MARK3: variants seen among roughly 807,000 people sequenced by gnomAD.
MARK3 encodes the protein microtubule affinity regulating kinase 3, also known as MAP/microtubule affinity-regulating kinase 3.
In MARK3, 46 loss-of-function variants were observed where a neutral mutation model predicts 90.1. The ratio of observed to expected loss-of-function variants is 0.51; its 90% CI spans 0.40 to 0.65. MARK3 has a LOEUF of 0.65. MARK3 is among the 30% of genes least tolerant of loss of function. The probability of loss-of-function intolerance (pLI) is 0.00; values close to 1 mark genes in which losing one functional copy is unlikely to be tolerated. For synonymous variants in MARK3, 321 were observed against 332.6 expected, an observed-to-expected ratio of 0.97 and a Z score of 0.38; for missense variants, 818 against 947.2, an observed-to-expected ratio of 0.86 and a Z score of 1.79.
At chr14:103,443,336 T>C (rs970575721) in intron 3 of MARK3, among the ~76,000 whole-genome samples, 2 of 152,184 alleles carry the variant, frequency 1.3e-5, no homozygotes, top group African/African-American at 4.8e-5. Flanking sequence ...TCCAAATTCT[T>C]TTCTCAAATT....
chr14:103,465,772 C>T lies in MARK3; in HGVS notation c.756C>T (p.Pro252=). 6.2e-7 allele frequency: 1 copy of T among 1,613,828 alleles called. No individual in the cohort carries two copies. Among genetic ancestry groups the T allele is most frequent in the Non-Finnish European group, 8.5e-7 (1 of 1,179,818 alleles). The stretch of plus-strand genomic sequence containing the variant: ...ACACACTAGTCAGTGGCTCACTTCC[C>T]TTTGATGGGCAAAACCTAAAGGTAT... The part of the protein sequence containing the change: ...ILYTLVSGSL[P]FDGQNLKELR... Residue 252 remains proline, a synonymous_variant, in exon 8 of 18, where the codon CCC becomes CCT. Transcript: ENST00000429436.
At chr14:103,429,293 C>G (rs1416430977) in intron 3 of MARK3, 2 of 152,194 alleles carry the variant, frequency 1.3e-5, no homozygotes, top group Non-Finnish European at 2.9e-5. Context: ...AATATCTGAC[C>G]TTGAGCAAGG....
chr14:103,392,571 G>T (rs931842215), intron 1 of MARK3, among the ~76,000 whole-genome samples: 2 of 152,078 alleles, frequency 1.3e-5, no homozygotes, highest in African/African-American at 4.8e-5. Flanking sequence ...TGCAGTGAAG[G>T]CTTGCTAACT....
rs1392985347 is a variant in MARK3 at position 103,479,655 on chromosome 14, T to C, written c.1483-732T>C. Among the ~76,000 whole-genome samples, 5 of 95,520 alleles carry C rather than the reference T, an allele frequency of 5.2e-5. No homozygotes were observed. In the East Asian group the frequency reaches 1.3e-3, roughly 24 times the overall value. The allele number at this position is 95,520 out of a possible 152,430, so 62.7% of individuals were successfully genotyped here. On this transcript the variant is annotated intron_variant, in intron 13 of 17. Transcript: ENST00000429436. Reference sequence around the variant, plus strand: ...TTTTTTTTTTTTTTTTTTTTGAGACTGAGTTTTGCTCTTGTTACACAGGCT... The same window carrying C: ...TTTTTTTTTTTTTTTTTTTTGAGACCGAGTTTTGCTCTTGTTACACAGGCT...
Position 103,466,080 on chromosome 14 carries a change from G to C in MARK3, c.886G>C (p.Gly296Arg), listed in dbSNP as rs200117383. Residue 296 changes from glycine (G) to arginine (R), a missense_variant, in exon 9 of 18, where the codon GGC becomes CGC. Gly to Arg is a moderately radical substitution (Grantham distance 125, BLOSUM62 -2). Around this residue, in one of 3 missense-constraint regions of MARK3, gnomAD observed 560 missense variants for 613.5 expected, o/e 0.91. Coordinates refer to ENST00000429436, the MANE Select transcript of MARK3 (RefSeq NM_001128918.3). ...CCTGGTGCTAAATCCAATTAAACGC[G>C]GCACTCTAGAGGTAATCATGTAGGT... ...RFLVLNPIKR[G>R]TLEQIMKDRW... The C allele has an allele frequency of 1.6e-4, 266 of 1,613,688 alleles. No homozygotes were observed. Among genetic ancestry groups the C allele is most frequent in the Admixed American group, 8.3e-5 (5 of 59,944 alleles).
rs886672746 is a variant in MARK3 at position 103,466,866 on chromosome 14, C to T, written c.998-213C>T. Among the ~76,000 whole-genome samples, 6 of 151,784 alleles carry T rather than the reference C, an allele frequency of 4.0e-5. 1 individual carries two copies. Among genetic ancestry groups the T allele is most frequent in the South Asian group, 4.2e-4 (2 of 4,784 alleles). On this transcript the variant is annotated intron_variant, in intron 10 of 17. Coordinates refer to ENST00000429436, the MANE Select transcript of MARK3 (RefSeq NM_001128918.3). ...CTAAAACTACAAAATTAGCCAGGCACGGTGGCTCATGCCTGTAATCCCAGC... is the reference window on the plus strand; with the variant it reads ...CTAAAACTACAAAATTAGCCAGGCATGGTGGCTCATGCCTGTAATCCCAGC...
At chr14:103,413,613 A>AT (rs143755148) in intron 2 of MARK3, among the ~76,000 whole-genome samples, 64 of 147,694 alleles carry the variant, frequency 4.3e-4, no homozygotes, top group Non-Finnish European at 6.9e-4. Flanking sequence ...TATTTTATTT[A>AT]TTTATTTTAT....
chr14:103,473,550 CTTGA>C (rs1468189047), intron 12 of MARK3, among the ~76,000 whole-genome samples: 3 of 152,248 alleles, frequency 2.0e-5, no homozygotes, highest in East Asian at 1.9e-4. Flanking sequence ...TCACCCTATG[CTTGA>C]TTAAGTTTTT....
intron 2 of MARK3, among the ~76,000 whole-genome samples, chr14:103,427,507 A>AAAAAAG (rs2092448170): frequency 6.6e-6 from 1 of 151,110 alleles, no homozygotes; most frequent in African/African-American, 2.4e-5. Context: ...CAAAAAAAAA[A>AAAAAAG]AAAAAAGAAA....
intron 1 of MARK3, among the ~76,000 whole-genome samples, chr14:103,395,038 C>T (rs779312017): frequency 3.9e-5 from 6 of 152,164 alleles, no homozygotes; most frequent in Non-Finnish European, 5.9e-5. Flanking sequence ...CCTCGGCCTC[C>T]CAAAGTGCTA....
At chr14:103,468,314 C>CTTTT (rs759932678) in intron 12 of MARK3, 128 bp downstream of exon 12, 29 of 116,150 alleles carry the variant, frequency 2.5e-4, no homozygotes, top group African/African-American at 7.4e-4. Context: ...TTTCTTTCTT[C>CTTTT]TTTTTTTTTT....
chr14:103,441,308 G>A (rs553978472), intron 3 of MARK3, among the ~76,000 whole-genome samples: 5 of 151,704 alleles, frequency 3.3e-5, no homozygotes, highest in East Asian at 3.9e-4. Context: ...TTTTTGAGAC[G>A]GAGTTTCGCT....
At chr14:103,411,873 A>C (rs1266236598) in intron 2 of MARK3, among the ~76,000 whole-genome samples, 9 of 151,720 alleles carry the variant, frequency 5.9e-5, no homozygotes, top group Non-Finnish European at 1.0e-4. Flanking sequence ...TGCCCACCTC[A>C]GCCTCCTAAA....
At chr14:103,450,875 A>AGTGTGTGTGTGTGT (rs61183226) in intron 4 of MARK3, among the ~76,000 whole-genome samples, 10 of 114,828 alleles carry the variant, frequency 8.7e-5, no homozygotes, top group South Asian at 2.9e-4. Context: ...TCATTTTTAA[A>AGTGTGTGTGTGTGT]GTGTGTGTGT....
intron 1 of MARK3, among the ~76,000 whole-genome samples, chr14:103,402,533 T>G (rs1471379730): frequency 7.3e-6 from 1 of 136,884 alleles, no homozygotes; most frequent in Non-Finnish European, 1.6e-5. Flanking sequence ...GCTGACAGAG[T>G]GAGACTCCAT....
chr14:103,478,031 T>A (rs1401220275), intron 13 of MARK3, among the ~76,000 whole-genome samples: 1 of 148,518 alleles, frequency 6.7e-6, no homozygotes, highest in East Asian at 2.0e-4. Context: ...GCGCAGTGGC[T>A]CACGCCTGTA....
intron 2 of MARK3, among the ~76,000 whole-genome samples, chr14:103,418,762 C>T (rs746241366): frequency 2.0e-5 from 3 of 152,214 alleles, no homozygotes; most frequent in Non-Finnish European, 2.9e-5. Flanking sequence ...AAAAACCCCA[C>T]AATCCTAATA....
At chr14:103,450,875 AGTGTGTGTGTGT>A (rs61183226) in intron 4 of MARK3, among the ~76,000 whole-genome samples, 10,682 of 114,738 alleles carry the variant, frequency 0.093, 577 homozygotes, top group Admixed American at 0.13. Context: ...TCATTTTTAA[AGTGTGTGTGTGT>A]GTGTGTGTGT....
In MARK3 at chr14:103,458,743, A is replaced by T. The variant is rs750668238; in HGVS notation, c.483+1531A>T. ...CATATACAGGGTTGTCAAGCTGGAC[A>T]GACTATTAAAGTTCAAGTCTCCTTT... is the stretch of plus-strand genomic sequence containing the variant. On this transcript the variant is annotated intron_variant, in intron 6 of 17. Coordinates refer to ENST00000429436, the MANE Select transcript of MARK3 (RefSeq NM_001128918.3). 29 of 727,602 alleles carry T rather than the reference A, an allele frequency of 4.0e-5. No homozygotes were observed. The South Asian group carries it at 4.2e-4, about 11-fold the overall frequency. 45.1% of individuals were successfully genotyped at this position (727,602 alleles called of 1,614,324 possible).
Sources: gnomAD v4.1 joint callset for allele counts (sites outside exome capture counted in the v4.1 genomes callset) on GRCh38, gnomAD v4.1.1 for gene constraint, gnomAD v4.1.1 regional missense constraint, MANE v1.5 for transcripts, NCBI Gene and HGNC (gene_info 2026-07-23, HGNC 2026-07-21) for gene names.